GABBR2: variants seen among roughly 807,000 people sequenced by gnomAD.
The protein encoded by GABBR2 is G-protein coupled receptor 51.
In GABBR2, 23 loss-of-function variants were observed where a neutral mutation model predicts 105.6. That is an observed-to-expected ratio of 0.22 (90% CI 0.16 to 0.31). The LOEUF is 0.31. GABBR2 is among the 10% of genes least tolerant of loss of function. The probability of loss-of-function intolerance (pLI) is 1.00; values close to 1 mark genes in which losing one functional copy is unlikely to be tolerated. For missense variants in GABBR2, 734 were observed against 1,245.5 expected (o/e 0.59, Z 6.18); for synonymous variants, 478 against 499.7 (o/e 0.96, Z 0.58).
rs908965691 is a variant in GABBR2, at chr9:98,348,973, C to T, written c.1893+13742G>A. Reference sequence around the variant, plus strand: ...ACTTCCAGTACTGTGTTAAAGAAGACTAGTGAAAGTGAGCATCCTTGTCTT... The same window carrying T: ...ACTTCCAGTACTGTGTTAAAGAAGATTAGTGAAAGTGAGCATCCTTGTCTT... On this transcript the variant is annotated intron_variant, in intron 13 of 18. Coordinates refer to ENST00000259455, the MANE Select transcript of GABBR2 (RefSeq NM_005458.8). Among the ~76,000 whole-genome samples, 6 of 152,106 alleles carry T rather than the reference C, an allele frequency of 3.9e-5. 1 individual carries two copies. In the South Asian group the frequency reaches 8.3e-4, roughly 21 times the overall value.
At chr9:98,416,010 A>G (rs893710087) in intron 7 of GABBR2, among the ~76,000 whole-genome samples, 1 of 152,180 alleles carries the variant, frequency 6.6e-6, no homozygotes, top group Non-Finnish European at 1.5e-5. Flanking sequence ...ATAGGTAGTC[A>G]GGGATGTGTT....
intron 2 of GABBR2, among the ~76,000 whole-genome samples, chr9:98,560,426 TACAC>T (rs1209503495): frequency 7.8e-5 from 5 of 64,200 alleles, no homozygotes; most frequent in Non-Finnish European, 1.9e-4. Flanking sequence ...CATATACACA[TACAC>T]ACACACACAC....
rs574108574 is a variant in GABBR2 at position 98,481,005 on chromosome 9, T to A, written c.733-8A>T. On this transcript the variant is annotated splice_region_variant and splice_polypyrimidine_tract_variant and intron_variant, in intron 4 of 18. Coordinates refer to ENST00000259455, the MANE Select transcript of GABBR2 (RefSeq NM_005458.8). Reference sequence around the variant, plus strand: ...GATCCGCACATCATTCCCCTGTGGATGGAAGGACACATCATGAAGGTGAGT... The same window carrying A: ...GATCCGCACATCATTCCCCTGTGGAAGGAAGGACACATCATGAAGGTGAGT... 1.3e-5 allele frequency: 20 copies of A among 1,580,734 alleles called. No individual in the cohort carries two copies. In the East Asian group the frequency reaches 4.5e-4, roughly 35 times the overall value.
chr9:98,303,481 T>A (rs935558260), intron 15 of GABBR2, 58 bp from the exon 16 acceptor site: 1 of 1,452,220 alleles, frequency 6.9e-7, no homozygotes, highest in African/African-American at 1.4e-5. Flanking sequence ...CTTCCTCCCA[T>A]CCCACATGGC....
intron 3 of GABBR2, among the ~76,000 whole-genome samples, chr9:98,497,644 G>A (rs1827308755): frequency 6.6e-6 from 1 of 152,116 alleles, no homozygotes; most frequent in Non-Finnish European, 1.5e-5. Context: ...TCCCTTCTCT[G>A]GGCCTCAGTT....
chr9:98,311,252 T>A, intron 13 of GABBR2, 47 bp from the exon 14 acceptor site: 1 of 1,179,432 alleles, frequency 8.5e-7, no homozygotes. Flanking sequence ...AGGACACTCT[T>A]CCAGCAACTG....
intron 1 of GABBR2, among the ~76,000 whole-genome samples, chr9:98,697,544 A>G (rs1830773182): frequency 6.6e-6 from 1 of 152,136 alleles, no homozygotes; most frequent in African/African-American, 2.4e-5. Context: ...GACGAAATGA[A>G]TGAATGCTGC....
chr9:98,545,159 T>C (rs1564110254), intron 2 of GABBR2, among the ~76,000 whole-genome samples: 1 of 152,230 alleles, frequency 6.6e-6, no homozygotes, highest in East Asian at 1.9e-4. Context: ...CCACAATTAA[T>C]TGTTGCTTGA....
At chr9:98,298,858 G>A (rs1830423366) in intron 17 of GABBR2, among the ~76,000 whole-genome samples, 1 of 152,190 alleles carries the variant, frequency 6.6e-6, no homozygotes, top group African/African-American at 2.4e-5. Flanking sequence ...GATGAGGTGT[G>A]TTTGAAACTG....
chr9:98,436,380 TATATATATATATATATATATATATATAG>T lies in GABBR2; in HGVS notation c.1236+17573_1236+17600del, dbSNP rs1360661695. On this transcript the variant is annotated intron_variant, in intron 7 of 18. Transcript: ENST00000259455. ...ATATATATATATATATATATATATA[TATATATATATATATATATATATATATAG>T]TATGGCGTTCTTTCTTCTACTACCA... Among the ~76,000 whole-genome samples the T allele has an allele frequency of 5.9e-3, 318 of 53,476 alleles. 27 individuals are homozygous for T. The highest frequency in any genetic ancestry group is 0.02 in the South Asian group (29 of 1,420). The allele number at this position is 53,476 out of a possible 152,430, so 35.1% of individuals were successfully genotyped here. A position where few individuals can be genotyped will look rare whatever the true frequency, so the allele number is the denominator to read the frequency against.
chr9:98,564,083 T>C (rs1828717172), intron 2 of GABBR2, among the ~76,000 whole-genome samples: 1 of 152,196 alleles, frequency 6.6e-6, no homozygotes, highest in Non-Finnish European at 1.5e-5. Context: ...TATGTATGCA[T>C]GTGTGTGTGC....
chr9:98,393,906 G>C (rs1053067909), intron 9 of GABBR2, among the ~76,000 whole-genome samples: 1 of 152,182 alleles, frequency 6.6e-6, no homozygotes, highest in African/African-American at 2.4e-5. Context: ...AAATTTAGCA[G>C]GGCTACATTT....
chr9:98,524,348 A>G (rs145377802), intron 3 of GABBR2, among the ~76,000 whole-genome samples: 1 of 152,330 alleles, frequency 6.6e-6, no homozygotes, highest in African/African-American at 2.4e-5. Context: ...CAGCACAATC[A>G]CGGCAAAATA....
At chr9:98,495,559 C>A (rs1319099416) in intron 4 of GABBR2, among the ~76,000 whole-genome samples, 1 of 152,198 alleles carries the variant, frequency 6.6e-6, no homozygotes, top group East Asian at 1.9e-4. Flanking sequence ...ACTTCTGTTT[C>A]AGCCTCCCTT....
At chr9:98,440,753 C>A (rs1158773910) in intron 7 of GABBR2, among the ~76,000 whole-genome samples, 2 of 152,208 alleles carry the variant, frequency 1.3e-5, no homozygotes, top group African/African-American at 2.4e-5. Flanking sequence ...AGTGTCACAT[C>A]GAGTGTGTGT....
chr9:98,503,941 C>T (rs2131682841), intron 3 of GABBR2, among the ~76,000 whole-genome samples: 1 of 152,264 alleles, frequency 6.6e-6, no homozygotes, highest in Admixed American at 6.5e-5. Flanking sequence ...CCAGGAGTTT[C>T]CAATGTGTAG....
chr9:98,497,178 G>A (rs556787572), intron 3 of GABBR2, among the ~76,000 whole-genome samples: 1 of 152,290 alleles, frequency 6.6e-6, no homozygotes, highest in South Asian at 2.1e-4. Flanking sequence ...AAGACGGGGG[G>A]CTTGCTTGAG....
At chr9:98,452,797 G>C (rs1826254431) in intron 7 of GABBR2, among the ~76,000 whole-genome samples, 1 of 152,150 alleles carries the variant, frequency 6.6e-6, no homozygotes, top group Non-Finnish European at 1.5e-5. Flanking sequence ...CAAGTAGCTT[G>C]CTTAATAAAT....
intron 3 of GABBR2, among the ~76,000 whole-genome samples, chr9:98,505,047 G>C (rs1336488291): frequency 6.6e-6 from 1 of 152,256 alleles, no homozygotes; most frequent in Non-Finnish European, 1.5e-5. Context: ...CAACAGGTAA[G>C]ATGGTTCAGG....
Sources: gnomAD v4.1 joint callset for allele counts (sites outside exome capture counted in the v4.1 genomes callset) on GRCh38, gnomAD v4.1.1 for gene constraint, MANE v1.5 for transcripts, NCBI Gene and HGNC (gene_info 2026-07-23, HGNC 2026-07-21) for gene names.